The following ITFG1 variants were observed in gnomAD, a reference collection of about 807,000 sequenced individuals.
ITFG1 encodes the protein T-cell immunomodulatory protein.
Under a neutral mutation model 81.8 loss-of-function variants are expected in ITFG1, and 34 were observed. The observed-to-expected ratio is 0.42, with a 90% CI of 0.32 to 0.55. The LOEUF (loss-of-function observed/expected upper bound fraction) is 0.55, where lower values mean the gene tolerates loss of function less well. Ranked by LOEUF, ITFG1 falls within the 20% of genes least tolerant of loss-of-function variation. The probability of loss-of-function intolerance (pLI) is 0.17; values close to 1 mark genes in which losing one functional copy is unlikely to be tolerated. For synonymous variants in ITFG1, 285 were observed against 270.6 expected (o/e 1.05, Z -0.52); for missense variants, 672 against 755.4 (o/e 0.89, Z 1.29).
At chr16:47,418,159 G>A (rs932132257) in intron 6 of ITFG1, among the ~76,000 whole-genome samples, 2 of 151,934 alleles carry the variant, frequency 1.3e-5, no homozygotes, top group South Asian at 4.2e-4. Flanking sequence ...AAACCTATTG[G>A]CCATTTGTAT....
chr16:47,177,901 G>A (rs1488310252), intron 14 of ITFG1, among the ~76,000 whole-genome samples: 1 of 151,952 alleles, frequency 6.6e-6, no homozygotes, highest in African/African-American at 2.4e-5. Context: ...AATTGCTAAG[G>A]GACTATTTAT....
At chr16:47,235,951 G>A (rs984102093) in intron 13 of ITFG1, among the ~76,000 whole-genome samples, 1 of 152,176 alleles carries the variant, frequency 6.6e-6, no homozygotes, top group Non-Finnish European at 1.5e-5. Context: ...ATATGGTGAA[G>A]GGCAGCTTAA....
At chr16:47,433,143 A>AT (rs912709402) in intron 5 of ITFG1, among the ~76,000 whole-genome samples, 7 of 152,144 alleles carry the variant, frequency 4.6e-5, no homozygotes, top group Non-Finnish European at 1.0e-4. Context: ...ACCTTGTGAC[A>AT]TTTTTTCCTA....
In ITFG1 at chr16:47,185,412, C is replaced by G. The variant is rs1317883335; in HGVS notation, c.1454-22748G>C. On this transcript the variant is annotated intron_variant, in intron 14 of 17. Coordinates refer to ENST00000320640, the MANE Select transcript of ITFG1 (RefSeq NM_030790.5). ...AAGAACAGAAATTATAACAAACTGT[C>G]TCTCAGACAAAGTGCAATCAAACTA... Among the ~76,000 whole-genome samples, 3 of 152,362 alleles carry G rather than the reference C, an allele frequency of 2.0e-5. No individual in the cohort carries two copies. In the East Asian group the frequency reaches 5.8e-4, roughly 29 times the overall value.
chr16:47,224,407 C>T lies in ITFG1; in HGVS notation c.1375-5461G>A, dbSNP rs796934104. 6.8e-4 allele frequency among the ~76,000 whole-genome samples: 103 copies of T among 152,268 alleles called. 1 individual carries two copies. The highest frequency in any genetic ancestry group is 2.4e-3 in the African/African-American group (98 of 41,548). Reference sequence around the variant, plus strand: ...GAATCTAGAAGTCCATGAACATATGCAGCACTATGTTCGTGCCCCAGAAAG... The same window carrying T: ...GAATCTAGAAGTCCATGAACATATGTAGCACTATGTTCGTGCCCCAGAAAG... On this transcript the variant is annotated intron_variant, in intron 13 of 17. Coordinates refer to ENST00000320640, the MANE Select transcript of ITFG1 (RefSeq NM_030790.5).
Position 47,307,287 on chromosome 16 carries a change from T to C in ITFG1, c.1070+3953A>G, listed in dbSNP as rs1286069190. Among the ~76,000 whole-genome samples the C allele has an allele frequency of 2.6e-5, 4 of 152,016 alleles. No homozygotes were observed. In the East Asian group the frequency reaches 7.7e-4, roughly 29 times the overall value. ...AGTGTGTAAGGGTATTTATTAAAAC[T>C]TTAATTAAAAATTGATTGCTGATAA... On this transcript the variant is annotated intron_variant, in intron 10 of 17. Transcript: ENST00000320640.
At chr16:47,376,783 A>G (rs1297554942) in intron 6 of ITFG1, among the ~76,000 whole-genome samples, 1 of 152,064 alleles carries the variant, frequency 6.6e-6, no homozygotes, top group Non-Finnish European at 1.5e-5. Context: ...ATCCTGGCCA[A>G]CATGGTGAAA....
At chr16:47,233,628 T>C (rs1010877783) in intron 13 of ITFG1, among the ~76,000 whole-genome samples, 1 of 152,204 alleles carries the variant, frequency 6.6e-6, no homozygotes, top group Non-Finnish European at 1.5e-5. Flanking sequence ...ACAGCTTAAC[T>C]GACTTGGGTT....
chr16:47,456,387 A>G (rs781331788), intron 2 of ITFG1, among the ~76,000 whole-genome samples: 1 of 152,086 alleles, frequency 6.6e-6, no homozygotes, highest in Non-Finnish European at 1.5e-5. Flanking sequence ...TAAGCTAACC[A>G]AACTTTTAAG....
intron 6 of ITFG1, among the ~76,000 whole-genome samples, chr16:47,393,650 G>A (rs1968559936): frequency 6.6e-6 from 1 of 151,952 alleles, no homozygotes; most frequent in Non-Finnish European, 1.5e-5. Context: ...AGAATCACTT[G>A]AACTCAGGAG....
chr16:47,339,849 T>C (rs1296859258), intron 8 of ITFG1, among the ~76,000 whole-genome samples: 1 of 151,704 alleles, frequency 6.6e-6, no homozygotes, highest in African/African-American at 2.4e-5. Context: ...AACATGAATC[T>C]ACAAATCCAA....
At chr16:47,333,286 G>C (rs1052939975) in intron 8 of ITFG1, among the ~76,000 whole-genome samples, 1 of 152,050 alleles carries the variant, frequency 6.6e-6, no homozygotes, top group African/African-American at 2.4e-5. Flanking sequence ...ATCACCCAAG[G>C]AAAAAGCCAA....
intron 13 of ITFG1, among the ~76,000 whole-genome samples, 156 bp downstream of exon 13, chr16:47,237,809 C>A (rs192027663): frequency 4.6e-5 from 7 of 152,176 alleles, no homozygotes; most frequent in Non-Finnish European, 8.8e-5. Context: ...AGGAAAGGTA[C>A]TTTACTTTCA....
chr16:47,238,926 T>C (rs1475499790), intron 12 of ITFG1, among the ~76,000 whole-genome samples: 2 of 152,234 alleles, frequency 1.3e-5, no homozygotes, highest in East Asian at 3.8e-4. Flanking sequence ...TGGAACCTAA[T>C]AACCAACGTG....
At chr16:47,393,681 T>C (rs1007784071) in intron 6 of ITFG1, among the ~76,000 whole-genome samples, 3 of 151,746 alleles carry the variant, frequency 2.0e-5, no homozygotes, top group African/African-American at 7.3e-5. Flanking sequence ...CAGTGAGCCA[T>C]GATCACCCCA....
chr16:47,285,793 T>C (rs768415336), intron 10 of ITFG1, among the ~76,000 whole-genome samples: 5 of 151,990 alleles, frequency 3.3e-5, no homozygotes, highest in Non-Finnish European at 5.9e-5. Context: ...TAGAAAACAG[T>C]AGTAGTCAAT....
intron 8 of ITFG1, among the ~76,000 whole-genome samples, chr16:47,341,329 T>C (rs1218345736): frequency 6.8e-6 from 1 of 147,136 alleles, no homozygotes; most frequent in Admixed American, 6.9e-5. Context: ...TCCTAGCTAC[T>C]CTGGAGGCTG....
chr16:47,296,333 C>T (rs8053323), intron 10 of ITFG1, among the ~76,000 whole-genome samples: 17,899 of 151,746 alleles, frequency 0.12, 2,285 homozygotes, highest in African/African-American at 0.32. Context: ...CATATTGTTT[C>T]CATTTTCATT....
intron 6 of ITFG1, chr16:47,396,110 T>G: frequency 1.0e-6 from 1 of 953,202 alleles, no homozygotes; most frequent in Non-Finnish European, 1.2e-6. Flanking sequence ...CACCTATCCC[T>G]TTCCATTTTC....
Sources: allele counts gnomAD v4.1 joint callset (sites outside exome capture counted in the v4.1 genomes callset), GRCh38; gene constraint gnomAD v4.1.1; transcripts MANE v1.5; gene names NCBI Gene and HGNC (gene_info 2026-07-23, HGNC 2026-07-21).